The following UNC5D variants were observed in gnomAD, a reference collection of about 807,000 sequenced individuals.
The protein encoded by UNC5D is netrin receptor UNC5D.
UNC5D carries 39 observed loss-of-function variants against 105.4 expected under a neutral mutation model. The observed-to-expected ratio is 0.37, with a 90% CI of 0.29 to 0.48. The LOEUF is 0.48. UNC5D is among the 20% of genes least tolerant of loss of function. UNC5D has a pLI of 0.98. For synonymous variants in UNC5D, 452 were observed against 450.4 expected (o/e 1.00, Z -0.04); for missense variants, 991 against 1,202.4 (o/e 0.82, Z 2.60).
intron 4 of UNC5D, among the ~76,000 whole-genome samples, chr8:35,610,437 G>T (rs74878825): frequency 6.6e-6 from 1 of 152,076 alleles, no homozygotes; most frequent in African/African-American, 2.4e-5. Flanking sequence ...TATATATTCT[G>T]TTCCTCTTTA....
In UNC5D at chr8:35,670,878, A is replaced by G. The variant is rs77486547; in HGVS notation, c.571-12669A>G. ...GTATCCTGGAACTTAAAATAAAAAGATGGCAGAATTTTGAATATGTTGGCA... is the reference window on the plus strand; with the variant it reads ...GTATCCTGGAACTTAAAATAAAAAGGTGGCAGAATTTTGAATATGTTGGCA... On this transcript the variant is annotated intron_variant, in intron 4 of 16. Coordinates refer to ENST00000404895, the MANE Select transcript of UNC5D (RefSeq NM_080872.4). 7.7e-3 allele frequency among the ~76,000 whole-genome samples: 1,168 copies of G among 152,262 alleles called. 24 individuals are homozygous for G. The highest frequency in any genetic ancestry group is 0.026 in the African/African-American group (1,076 of 41,550).
chr8:35,536,906 G>A (rs544672933), intron 1 of UNC5D, among the ~76,000 whole-genome samples: 39 of 152,232 alleles, frequency 2.6e-4, no homozygotes, highest in Non-Finnish European at 4.7e-4. Context: ...TGAGGCAGGA[G>A]AATCACTTGA....
chr8:35,412,362 T>C (rs1027188800), intron 1 of UNC5D, among the ~76,000 whole-genome samples: 2 of 152,086 alleles, frequency 1.3e-5, no homozygotes, highest in African/African-American at 4.8e-5. Context: ...CACTATTGCA[T>C]TGAGCAGAAA....
chr8:35,280,777 G>A (rs889169849), intron 1 of UNC5D, among the ~76,000 whole-genome samples: 1 of 152,160 alleles, frequency 6.6e-6, no homozygotes, highest in Non-Finnish European at 1.5e-5. Context: ...CTGAAAGAGT[G>A]TATTTCAGTG....
intron 1 of UNC5D, among the ~76,000 whole-genome samples, chr8:35,308,753 G>A (rs147953904): frequency 1.8e-4 from 28 of 152,158 alleles, no homozygotes; most frequent in Middle Eastern, 3.4e-3. Context: ...TAAGAAAACT[G>A]AGACTTTAAG....
intron 1 of UNC5D, among the ~76,000 whole-genome samples, chr8:35,534,152 T>C (rs532006017): frequency 6.6e-6 from 1 of 152,314 alleles, no homozygotes; most frequent in Admixed American, 6.5e-5. Flanking sequence ...GTCTCAGTTT[T>C]CTTTTGTAGT....
chr8:35,504,912 C>T (rs1812207774), intron 1 of UNC5D, among the ~76,000 whole-genome samples: 1 of 152,126 alleles, frequency 6.6e-6, no homozygotes, highest in African/African-American at 2.4e-5. Flanking sequence ...GATGAAGAGA[C>T]AACTATGCCA....
At chr8:35,595,678 C>A in intron 4 of UNC5D, 21 bp downstream of exon 4, 1 of 1,610,346 alleles carries the variant, frequency 6.2e-7, no homozygotes, top group Non-Finnish European at 8.5e-7. Context: ...ATCCTGGGAC[C>A]AGTCACCGGG....
chr8:35,420,269 C>T (rs1228369809), intron 1 of UNC5D, among the ~76,000 whole-genome samples: 3 of 152,068 alleles, frequency 2.0e-5, no homozygotes, highest in African/African-American at 7.2e-5. Flanking sequence ...AATATACATA[C>T]AATTTAAAGC....
intron 11 of UNC5D, among the ~76,000 whole-genome samples, chr8:35,731,551 A>G (rs113503381): frequency 1.3e-5 from 2 of 152,126 alleles, no homozygotes; most frequent in African/African-American, 4.8e-5. Context: ...GAAAAAAACA[A>G]TTGCAAAACT....
chr8:35,235,698 C>T lies in UNC5D; in HGVS notation c.-87C>T, dbSNP rs931382834. On this transcript the variant is annotated 5_prime_UTR_variant, in exon 1 of 17. Transcript: ENST00000404895. ...GTCACTCTCTGAAGACTCCCGAGACCCATTCGACTCGGGACCCTCATCGCC... is the reference window on the plus strand; with the variant it reads ...GTCACTCTCTGAAGACTCCCGAGACTCATTCGACTCGGGACCCTCATCGCC... The T allele has an allele frequency of 1.6e-5, 16 of 989,846 alleles. No individual in the cohort carries two copies. Among genetic ancestry groups the T allele is most frequent in the East Asian group, 1.3e-4 (4 of 29,970 alleles). The allele number at this position is 989,846 out of a possible 1,614,324, so 61.3% of individuals were successfully genotyped here. A position where few individuals can be genotyped will look rare whatever the true frequency, so the allele number is the denominator to read the frequency against.
intron 1 of UNC5D, among the ~76,000 whole-genome samples, chr8:35,514,065 A>C (rs1472780131): frequency 6.6e-6 from 1 of 152,222 alleles, no homozygotes; most frequent in South Asian, 2.1e-4. Context: ...CCAAGTGAAG[A>C]AAAAGATTTA....
chr8:35,549,247 G>A lies in UNC5D; in HGVS notation c.104-45G>A, dbSNP rs778586412. ...TTTGCCATTGTGTCCTGGTGTATGT[G>A]CTATCAATGTAGGCTGTGTTCTGAT... On this transcript the variant is annotated intron_variant, in intron 1 of 16. Coordinates refer to ENST00000404895, the MANE Select transcript of UNC5D (RefSeq NM_080872.4). 25 of 1,589,450 alleles carry A rather than the reference G, an allele frequency of 1.6e-5. No homozygotes were observed. The South Asian group carries it at 2.7e-4, about 17-fold the overall frequency.
At chr8:35,364,353 C>T (rs528173688) in intron 1 of UNC5D, among the ~76,000 whole-genome samples, 6 of 152,110 alleles carry the variant, frequency 3.9e-5, no homozygotes, top group South Asian at 2.1e-4. Flanking sequence ...AAAATTATCC[C>T]ATATTTGCCT....
intron 1 of UNC5D, among the ~76,000 whole-genome samples, chr8:35,365,133 C>T (rs77030312): frequency 2.2e-3 from 337 of 152,182 alleles, no homozygotes; most frequent in African/African-American, 7.3e-3. Flanking sequence ...AAGTTATACT[C>T]GGAGAAATAC....
At chr8:35,509,016 G>A (rs988111600) in intron 1 of UNC5D, among the ~76,000 whole-genome samples, 4 of 152,154 alleles carry the variant, frequency 2.6e-5, no homozygotes, top group Non-Finnish European at 5.9e-5. Flanking sequence ...TTTGATTCTT[G>A]CTATGACTCT....
At chr8:35,357,498 TCCCTGAC>T (rs1429015087) in intron 1 of UNC5D, among the ~76,000 whole-genome samples, 3 of 152,162 alleles carry the variant, frequency 2.0e-5, no homozygotes, top group African/African-American at 7.2e-5. Flanking sequence ...GATGGGGCCT[TCCCTGAC>T]CCACCGAAGC....
intron 1 of UNC5D, among the ~76,000 whole-genome samples, chr8:35,413,830 G>A (rs1185925373): frequency 6.6e-6 from 1 of 152,098 alleles, no homozygotes; most frequent in African/African-American, 2.4e-5. Context: ...GTAGCAGAAA[G>A]GGTTGTTAGT....
rs2130485326 is a variant in UNC5D at position 35,525,132 on chromosome 8, G to T, written c.104-24160G>T. 6 of 1,601,142 alleles carry T rather than the reference G, an allele frequency of 3.7e-6. 1 individual carries two copies. The East Asian group carries it at 1.3e-4, about 36-fold the overall frequency. On this transcript the variant is annotated intron_variant, in intron 1 of 16. Transcript: ENST00000404895. ...TGCCTCCGCTGAAGCCACCACCAGC[G>T]CCTCCTTGGCTGGATGCTGGAAGAG...
Sources: gnomAD v4.1 joint callset for allele counts (sites outside exome capture counted in the v4.1 genomes callset) on GRCh38, gnomAD v4.1.1 for gene constraint, MANE v1.5 for transcripts, NCBI Gene and HGNC (gene_info 2026-07-23, HGNC 2026-07-21) for gene names.